NSMAF: variants seen among roughly 807,000 people sequenced by gnomAD.
NSMAF encodes the protein neutral sphingomyelinase activation associated factor, also known as protein FAN.
NSMAF carries 90 observed loss-of-function variants against 134.9 expected under a neutral mutation model. That is an observed-to-expected ratio of 0.67 (90% confidence interval 0.56 to 0.79). The LOEUF (loss-of-function observed/expected upper bound fraction) is 0.79, where lower values mean the gene tolerates loss of function less well. Among genes scored for constraint, NSMAF ranks in the 30% least tolerant of loss-of-function variants. The pLI is 0.00. For synonymous variants in NSMAF, 358 were observed against 389.6 expected (o/e 0.92, Z 0.96); for missense variants, 1,010 against 1,119.0 (o/e 0.90, Z 1.39).
At chr8:58,607,051 A>C (rs1170598548) in intron 11 of NSMAF, among the ~76,000 whole-genome samples, 1 of 152,254 alleles carries the variant, frequency 6.6e-6, no homozygotes, top group Non-Finnish European at 1.5e-5. Flanking sequence ...GAAGCAAAAC[A>C]GTAGAATTTC....
At chr8:58,590,759 C>T in intron 24 of NSMAF, 108 bp downstream of exon 24, 1 of 1,175,582 alleles carries the variant, frequency 8.5e-7, no homozygotes, top group Non-Finnish European at 1.2e-6. Context: ...ATTTACTACA[C>T]AGGAATAAAC....
intron 9 of NSMAF, 122 bp from the exon 10 acceptor site, chr8:58,609,855 AG>A: frequency 1.2e-6 from 1 of 844,668 alleles, no homozygotes; most frequent in Non-Finnish European, 1.8e-6. Flanking sequence ...ATTTAATATA[AG>A]AAAAATGGTA....
At chr8:58,604,192 C>A (rs1806349132) in intron 12 of NSMAF, among the ~76,000 whole-genome samples, 1 of 152,096 alleles carries the variant, frequency 6.6e-6, no homozygotes, top group Non-Finnish European at 1.5e-5. Flanking sequence ...GAAAGGGCTT[C>A]AAAAATCAAA....
chr8:58,645,080 T>A (rs1332369508), intron 1 of NSMAF, among the ~76,000 whole-genome samples: 3 of 151,310 alleles, frequency 2.0e-5, no homozygotes, highest in Admixed American at 6.6e-5. Flanking sequence ...ACCTGCACGT[T>A]CTGCACATGT....
intron 1 of NSMAF, among the ~76,000 whole-genome samples, chr8:58,649,587 T>G (rs933627147): frequency 1.3e-5 from 2 of 152,218 alleles, no homozygotes; most frequent in African/African-American, 4.8e-5. Flanking sequence ...GGAGGTGACC[T>G]GATCATGGGG....
intron 13 of NSMAF, among the ~76,000 whole-genome samples, chr8:58,602,921 G>A (rs1312121151): frequency 6.6e-6 from 1 of 152,136 alleles, no homozygotes; most frequent in Admixed American, 6.5e-5. Flanking sequence ...ATTTCAAAAC[G>A]TGGTACTTAT....
Position 58,588,505 on chromosome 8 carries a change from C to G in NSMAF, c.2212-804G>C. 3 of 1,187,802 alleles carry G rather than the reference C, an allele frequency of 2.5e-6. No individual in the cohort carries two copies. The South Asian group carries it at 3.7e-5, about 14-fold the overall frequency. 73.6% of individuals were successfully genotyped at this position (1,187,802 alleles called of 1,614,324 possible). On this transcript the variant is annotated intron_variant, in intron 26 of 30. Transcript: ENST00000038176. ...TCGGTCCTTGCAGGCTTCACGAGAT[C>G]GATTCCTGACTACTTTGCTGTGAAT...
At chr8:58,636,176 G>A (rs542356223) in intron 2 of NSMAF, among the ~76,000 whole-genome samples, 1 of 152,066 alleles carries the variant, frequency 6.6e-6, no homozygotes, top group Non-Finnish European at 1.5e-5. Context: ...AAATAGAATA[G>A]AAAACTCCCA....
Position 58,599,955 on chromosome 8 carries a change from T to A in NSMAF, c.1332+15A>T, listed in dbSNP as rs1000919291. The A allele has an allele frequency of 3.1e-6, 5 of 1,613,756 alleles. No individual in the cohort carries two copies. The African/African-American group carries it at 6.7e-5, about 22-fold the overall frequency. On this transcript the variant is annotated intron_variant, in intron 17 of 30. Transcript: ENST00000038176. ...CCCCAAGTCCAGTTACTCATCAGCT[T>A]TATTAACTGCTTACCTCTTTAAAAT...
At chr8:58,651,905 C>T (rs1165275383) in intron 1 of NSMAF, among the ~76,000 whole-genome samples, 1 of 152,174 alleles carries the variant, frequency 6.6e-6, no homozygotes, top group Non-Finnish European at 1.5e-5. Context: ...CTGTGGACAA[C>T]ACTTTGACTA....
intron 12 of NSMAF, 145 bp from the exon 13 acceptor site, chr8:58,603,531 CA>C (rs1198231745): frequency 1.4e-6 from 1 of 691,426 alleles, no homozygotes; most frequent in African/African-American, 1.8e-5. Context: ...GACTTGTTTT[CA>C]TAAAGTATTT....
At chr8:58,650,167 A>G (rs1410436717) in intron 1 of NSMAF, among the ~76,000 whole-genome samples, 3 of 152,218 alleles carry the variant, frequency 2.0e-5, no homozygotes, top group Non-Finnish European at 4.4e-5. Context: ...TTAATAGAGT[A>G]CAAAATAAGA....
chr8:58,606,721 G>T (rs1806418420), intron 11 of NSMAF, among the ~76,000 whole-genome samples: 1 of 152,194 alleles, frequency 6.6e-6, no homozygotes, highest in Non-Finnish European at 1.5e-5. Context: ...ACAAAGCCAG[G>T]ATGAAAGCCC....
chr8:58,599,009 A>G (rs1406938998), intron 19 of NSMAF, among the ~76,000 whole-genome samples: 1 of 152,196 alleles, frequency 6.6e-6, no homozygotes, highest in African/African-American at 2.4e-5. Context: ...CTGGTGACAG[A>G]GCAAGACTCC....
chr8:58,635,430 A>T (rs768598660), intron 3 of NSMAF, 38 bp downstream of exon 3: 8 of 1,570,918 alleles, frequency 5.1e-6, no homozygotes, highest in East Asian at 4.5e-5. Context: ...ATACACAAAA[A>T]ATAGGAATGT....
At chr8:58,643,766 C>T (rs920584823) in intron 1 of NSMAF, among the ~76,000 whole-genome samples, 16 of 152,044 alleles carry the variant, frequency 1.1e-4, no homozygotes, top group Admixed American at 5.9e-4. Context: ...CCCAACCTCA[C>T]GTAATCCACC....
chr8:58,586,925 C>T (rs1805899763), intron 27 of NSMAF, among the ~76,000 whole-genome samples: 1 of 152,114 alleles, frequency 6.6e-6, no homozygotes. Flanking sequence ...TTATAGTGAG[C>T]CGCCAAAGTG....
At chr8:58,649,174 T>C (rs1245484574) in intron 1 of NSMAF, among the ~76,000 whole-genome samples, 3 of 152,204 alleles carry the variant, frequency 2.0e-5, no homozygotes, top group African/African-American at 7.2e-5. Context: ...CAAGGAGTCA[T>C]AGGAGATTAT....
rs758156293 is a variant in NSMAF at position 58,602,149 on chromosome 8, A to G, written c.1046-12T>C. The G allele has an allele frequency of 6.5e-5, 104 of 1,599,180 alleles. No homozygotes were observed. The highest frequency in any genetic ancestry group is 8.4e-5 in the Non-Finnish European group (98 of 1,167,190). ...TGGATTTGACAAATCTATAAACATA[A>G]ATCAATAAATAACTTCAGCTTATAC... On this transcript the variant is annotated splice_polypyrimidine_tract_variant and intron_variant, in intron 13 of 30. Coordinates refer to ENST00000038176, the MANE Select transcript of NSMAF (RefSeq NM_003580.4).
Sources: gnomAD v4.1 joint callset for allele counts (sites outside exome capture counted in the v4.1 genomes callset) on GRCh38, gnomAD v4.1.1 for gene constraint, MANE v1.5 for transcripts, NCBI Gene and HGNC (gene_info 2026-07-23, HGNC 2026-07-21) for gene names.